PLEKHM3: variants seen among roughly 807,000 people sequenced by gnomAD.
PLEKHM3 encodes pleckstrin homology domain containing M3, also known as pleckstrin homology domain-containing family M member 3.
PLEKHM3 carries 45 observed loss-of-function variants against 81.8 expected under a neutral mutation model. That is an observed-to-expected ratio of 0.55 (90% CI 0.43 to 0.71). The LOEUF (loss-of-function observed/expected upper bound fraction) is 0.71. Ranked by LOEUF, PLEKHM3 falls within the 30% of genes least tolerant of loss-of-function variation. The probability of loss-of-function intolerance (pLI) is 0.00; values close to 1 mark genes in which losing one functional copy is unlikely to be tolerated. For missense variants in PLEKHM3, 788 were observed against 924.3 expected (o/e 0.85, Z 1.91); for synonymous variants, 352 against 356.4 (o/e 0.99, Z 0.14).
intron 2 of PLEKHM3, among the ~76,000 whole-genome samples, chr2:207,985,360 G>A (rs1183042300): frequency 6.6e-6 from 1 of 151,790 alleles, no homozygotes; most frequent in Non-Finnish European, 1.5e-5. Flanking sequence ...ATGGCTCTAT[G>A]TCTATACCCT....
At chr2:208,018,450 G>C (rs1693005668) in intron 1 of PLEKHM3, among the ~76,000 whole-genome samples, 1 of 149,894 alleles carries the variant, frequency 6.7e-6, no homozygotes, top group South Asian at 2.1e-4. Flanking sequence ...ATATGCGACA[G>C]AGAACTCATC....
At chr2:207,878,445 C>T (rs1390405470) in intron 6 of PLEKHM3, among the ~76,000 whole-genome samples, 1 of 152,148 alleles carries the variant, frequency 6.6e-6, no homozygotes, top group East Asian at 1.9e-4. Context: ...CCCGTCTCTA[C>T]TAAAAATACA....
chr2:207,926,894 G>A (rs962709377), intron 5 of PLEKHM3, among the ~76,000 whole-genome samples: 2 of 152,300 alleles, frequency 1.3e-5, no homozygotes, highest in African/African-American at 4.8e-5. Context: ...GCTCCCTGGC[G>A]GTCGAGCGCT....
Position 207,828,498 on chromosome 2 carries a change from T to C in PLEKHM3, c.2109-2A>G. On this transcript the variant is annotated splice_acceptor_variant, in intron 7 of 7. Coordinates refer to ENST00000427836, the MANE Select transcript of PLEKHM3 (RefSeq NM_001080475.3). LOFTEE classifies it high-confidence loss of function. ...AAAACGGCTCCACAGCTTTCACACC[T>C]GCAAAAGTCAACCATGGATATGATG... 1.2e-6 allele frequency: 2 copies of C among 1,613,014 alleles called. No homozygotes were observed. Among genetic ancestry groups the C allele is most frequent in the Non-Finnish European group, 1.7e-6 (2 of 1,179,468 alleles).
At chr2:207,890,869 G>C (rs1448916989) in intron 6 of PLEKHM3, among the ~76,000 whole-genome samples, 1 of 152,102 alleles carries the variant, frequency 6.6e-6, no homozygotes, top group Non-Finnish European at 1.5e-5. Context: ...TATTTTCACT[G>C]TATTTTTTAA....
intron 2 of PLEKHM3, 108 bp downstream of exon 2, chr2:208,000,922 C>A (rs1692274464): frequency 3.7e-6 from 4 of 1,088,620 alleles, no homozygotes; most frequent in East Asian, 2.7e-5. Context: ...AAGGAAAAAC[C>A]AACAATGATT....
intron 1 of PLEKHM3, among the ~76,000 whole-genome samples, chr2:208,006,536 C>T (rs1692498822): frequency 6.6e-6 from 1 of 152,210 alleles, no homozygotes; most frequent in South Asian, 2.1e-4. Flanking sequence ...CATAGAGTTG[C>T]TAACATCGAA....
chr2:207,959,490 C>T (rs762034552), intron 3 of PLEKHM3, among the ~76,000 whole-genome samples: 14 of 152,174 alleles, frequency 9.2e-5, no homozygotes, highest in Non-Finnish European at 1.6e-4. Context: ...TTAGAAGTCG[C>T]TTCTTACATC....
At position 207,897,283 on chromosome 2, in the gene PLEKHM3, A is replaced by G. The variant is rs1688257834; in HGVS notation, c.1950+11231T>C. On this transcript the variant is annotated intron_variant, in intron 6 of 7. Coordinates refer to ENST00000427836, the MANE Select transcript of PLEKHM3 (RefSeq NM_001080475.3). ...CATAGCAAGCATTGCTTTTGTGGCA[A>G]TGGTTGTGGTTTAGTGTCCACAGAT... Among the ~76,000 whole-genome samples, 3 of 152,144 alleles carry G rather than the reference A, an allele frequency of 2.0e-5. 1 individual carries two copies.
At chr2:207,840,799 GTTTTTTT>G (rs1221570591) in intron 7 of PLEKHM3, among the ~76,000 whole-genome samples, 4 of 109,796 alleles carry the variant, frequency 3.6e-5, no homozygotes, top group Non-Finnish European at 5.4e-5. Context: ...CACTTTTTAT[GTTTTTTT>G]TTTTTTTTTT....
chr2:207,864,657 A>G (rs2092486213), intron 6 of PLEKHM3, among the ~76,000 whole-genome samples: 1 of 152,228 alleles, frequency 6.6e-6, no homozygotes, highest in Non-Finnish European at 1.5e-5. Flanking sequence ...TCTTGTGCAT[A>G]AAGTTTTTTC....
chr2:207,946,282 G>C (rs1690126035), intron 4 of PLEKHM3, 85 bp downstream of exon 4: 2 of 1,455,056 alleles, frequency 1.4e-6, no homozygotes, highest in African/African-American at 1.4e-5. Context: ...GCTTCAAATT[G>C]TTTGATCACC....
At position 207,890,570 on chromosome 2, in the gene PLEKHM3, G is replaced by T. The variant is rs1438371965; in HGVS notation, c.1950+17944C>A. Among the ~76,000 whole-genome samples the T allele has an allele frequency of 2.6e-5, 4 of 152,194 alleles. No homozygotes were observed. In the South Asian group the frequency reaches 8.3e-4, roughly 32 times the overall value. On this transcript the variant is annotated intron_variant, in intron 6 of 7. Transcript: ENST00000427836. Reference sequence around the variant, plus strand: ...TTGAATCCGGATGGTGGAGGTTGCAGTGAGCCAAGATCGTACCACTGCCCT... The same window carrying T: ...TTGAATCCGGATGGTGGAGGTTGCATTGAGCCAAGATCGTACCACTGCCCT...
chr2:207,900,256 A>G (rs1263407249), intron 6 of PLEKHM3: 2 of 152,182 alleles, frequency 1.3e-5, no homozygotes, highest in Non-Finnish European at 2.9e-5. Context: ...CAGCTAGAAC[A>G]ACTACCATAT....
chr2:207,910,034 G>A (rs950701766), intron 5 of PLEKHM3, among the ~76,000 whole-genome samples: 1 of 152,164 alleles, frequency 6.6e-6, no homozygotes, highest in Non-Finnish European at 1.5e-5. Context: ...GACCTCTCCC[G>A]GAAAGTAGGA....
intron 7 of PLEKHM3, among the ~76,000 whole-genome samples, chr2:207,840,799 GT>G (rs1221570591): frequency 0.024 from 2,650 of 109,118 alleles, 18 homozygotes; most frequent in African/African-American, 0.094. Flanking sequence ...CACTTTTTAT[GT>G]TTTTTTTTTT....
At chr2:207,838,369 C>T (rs2092331958) in intron 7 of PLEKHM3, among the ~76,000 whole-genome samples, 1 of 152,218 alleles carries the variant, frequency 6.6e-6, no homozygotes, top group Admixed American at 6.5e-5. Flanking sequence ...TGGCAGCCCA[C>T]AAAGCATTTG....
rs552199799 is a variant in PLEKHM3, at chr2:207,972,618, G to A, written c.1546+4033C>T. On this transcript the variant is annotated intron_variant, in intron 3 of 7. Transcript: ENST00000427836. ...AAAAAAAAAAAAAGAAGACCACTATGGCTGGGGCTTCCTAAGCTCAGTGCA... is the reference window on the plus strand; with the variant it reads ...AAAAAAAAAAAAAGAAGACCACTATAGCTGGGGCTTCCTAAGCTCAGTGCA... 4.0e-5 allele frequency among the ~76,000 whole-genome samples: 6 copies of A among 151,310 alleles called. No homozygotes were observed. The East Asian group carries it at 9.7e-4, about 24-fold the overall frequency.
intron 4 of PLEKHM3, among the ~76,000 whole-genome samples, chr2:207,945,951 AAAAC>A (rs1408851797): frequency 2.0e-5 from 3 of 152,010 alleles, no homozygotes; most frequent in African/African-American, 4.8e-5. Context: ...ACAAAACAAC[AAAAC>A]AAACAAACAA....
Sources: gnomAD v4.1 joint callset for allele counts (sites outside exome capture counted in the v4.1 genomes callset) on GRCh38, gnomAD v4.1.1 for gene constraint, MANE v1.5 for transcripts, NCBI Gene and HGNC (gene_info 2026-07-23, HGNC 2026-07-21) for gene names.